Variants in MACROD2 observed in about 807,000 individuals in gnomAD.
The protein encoded by MACROD2 is ADP-ribose glycohydrolase MACROD2.
A neutral mutation model predicts 70.4 loss-of-function variants in MACROD2; 36 were observed. The observed-to-expected ratio is 0.51, with a 90% CI of 0.39 to 0.68. The LOEUF (loss-of-function observed/expected upper bound fraction) is 0.68, where lower values mean the gene tolerates loss of function less well. Ranked by LOEUF, MACROD2 falls within the 30% of genes least tolerant of loss-of-function variation. The pLI is 0.00. For synonymous variants in MACROD2, 172 were observed against 178.8 expected (o/e 0.96, Z 0.30); for missense variants, 496 against 538.4 (o/e 0.92, Z 0.78).
At chr20:14,821,551 G>A (rs770367889) in intron 5 of MACROD2, among the ~76,000 whole-genome samples, 12 of 152,104 alleles carry the variant, frequency 7.9e-5, no homozygotes, top group East Asian at 5.8e-4. Context: ...GAGAACACTC[G>A]CTCTCATCAT....
chr20:15,774,771 A>ATTGTATTT (rs2051693580), intron 8 of MACROD2, among the ~76,000 whole-genome samples: 1 of 152,018 alleles, frequency 6.6e-6, no homozygotes, highest in Non-Finnish European at 1.5e-5. Context: ...TTTGCATGAC[A>ATTGTATTT]GCAGTAGTAT....
In MACROD2 at chr20:15,784,120, T is replaced by C. The variant is rs199931976; in HGVS notation, c.646-78625T>C. On this transcript the variant is annotated intron_variant, in intron 8 of 17. Transcript: ENST00000684519. ...CGAATCTGTGGTAGAGAGCAAAGCA[T>C]ATAAAAAAATTATAGGGGATTAAGT... Among the ~76,000 whole-genome samples, 3 of 152,250 alleles carry C rather than the reference T, an allele frequency of 2.0e-5. No homozygotes were observed. In the East Asian group the frequency reaches 5.8e-4, roughly 29 times the overall value.
chr20:16,010,004 T>A (rs749082492), intron 15 of MACROD2, among the ~76,000 whole-genome samples: 15 of 152,220 alleles, frequency 9.9e-5, no homozygotes, highest in Non-Finnish European at 2.1e-4. Flanking sequence ...AGGTCATTCC[T>A]GATGTGCTCA....
intron 8 of MACROD2, among the ~76,000 whole-genome samples, chr20:15,797,767 A>C (rs943521015): frequency 6.6e-6 from 1 of 152,212 alleles, no homozygotes; most frequent in Non-Finnish European, 1.5e-5. Flanking sequence ...TTCAGTGAGC[A>C]TCAAAATCAC....
intron 5 of MACROD2, among the ~76,000 whole-genome samples, chr20:14,915,215 T>C (rs2074076767): frequency 6.6e-6 from 1 of 152,202 alleles, no homozygotes; most frequent in Admixed American, 6.5e-5. Context: ...GAATTGAATT[T>C]AGCCATGGCT....
chr20:15,183,188 T>C (rs2076511989), intron 5 of MACROD2, among the ~76,000 whole-genome samples: 1 of 152,098 alleles, frequency 6.6e-6, no homozygotes, highest in African/African-American at 2.4e-5. Context: ...AATGGGAACT[T>C]GTTGTCATAA....
chr20:15,866,631 T>G (rs2064497524), intron 9 of MACROD2, among the ~76,000 whole-genome samples: 1 of 152,198 alleles, frequency 6.6e-6, no homozygotes, highest in Non-Finnish European at 1.5e-5. Flanking sequence ...CAGAGCATCT[T>G]TAGAGAAGGC....
intron 15 of MACROD2, among the ~76,000 whole-genome samples, chr20:15,989,041 T>C (rs1470124338): frequency 6.6e-6 from 1 of 152,162 alleles, no homozygotes; most frequent in Non-Finnish European, 1.5e-5. Flanking sequence ...ATCTGTAAGA[T>C]GATGATGGCA....
At chr20:15,387,630 G>T (rs1001323031) in intron 6 of MACROD2, among the ~76,000 whole-genome samples, 1 of 151,642 alleles carries the variant, frequency 6.6e-6, no homozygotes, top group African/African-American at 2.4e-5. Flanking sequence ...CCAGGTCCTG[G>T]AGTTACAAAA....
chr20:15,097,847 C>T (rs565280401), intron 5 of MACROD2, among the ~76,000 whole-genome samples: 38 of 152,222 alleles, frequency 2.5e-4, no homozygotes, highest in African/African-American at 8.9e-4. Context: ...AAAAGGTAAT[C>T]TTGGGAATGG....
chr20:15,271,648 G>C (rs1026050207), intron 6 of MACROD2, among the ~76,000 whole-genome samples: 4 of 152,178 alleles, frequency 2.6e-5, no homozygotes, highest in African/African-American at 9.7e-5. Flanking sequence ...TTAAAAGAAG[G>C]ATTACTTTGA....
intron 5 of MACROD2, among the ~76,000 whole-genome samples, chr20:14,713,427 T>C (rs111617057): frequency 0.033 from 5,060 of 152,278 alleles, 115 homozygotes; most frequent in Non-Finnish European, 0.048. Context: ...GAGTCTCTTT[T>C]TTCTTCCTTG....
At chr20:14,954,588 T>C (rs187475297) in intron 5 of MACROD2, among the ~76,000 whole-genome samples, 2 of 134,614 alleles carry the variant, frequency 1.5e-5, no homozygotes, top group Admixed American at 8.1e-5. Flanking sequence ...AATTATAAAT[T>C]ATATATAATA....
At chr20:15,133,711 A>T (rs1422742217) in intron 5 of MACROD2, among the ~76,000 whole-genome samples, 4 of 152,088 alleles carry the variant, frequency 2.6e-5, no homozygotes, top group African/African-American at 9.7e-5. Flanking sequence ...TTGTACAATG[A>T]TGTTCATTCC....
intron 6 of MACROD2, among the ~76,000 whole-genome samples, chr20:15,292,962 G>T (rs2077554354): frequency 1.3e-5 from 2 of 152,078 alleles, no homozygotes; most frequent in Non-Finnish European, 2.9e-5. Context: ...ATGGAGTGAG[G>T]TCCCTGAGGT....
intron 15 of MACROD2, among the ~76,000 whole-genome samples, chr20:16,025,851 A>T (rs1022703011): frequency 1.3e-5 from 2 of 152,124 alleles, no homozygotes; most frequent in African/African-American, 4.8e-5. Flanking sequence ...GAGTGATCCC[A>T]TCTTAGAGAA....
At chr20:14,048,320 A>T (rs2053508869) in intron 2 of MACROD2, among the ~76,000 whole-genome samples, 1 of 152,206 alleles carries the variant, frequency 6.6e-6, no homozygotes, top group African/African-American at 2.4e-5. Flanking sequence ...AGCAATCATG[A>T]TGAATGAGGA....
In MACROD2 at chr20:14,410,947, A is replaced by G. The variant is rs150380264; in HGVS notation, c.272-82532A>G. ...ACCAACTTCTAGAATGGAAAGCCCT[A>G]CCCAGACAGTGGGACTGTCTCCAGT... On this transcript the variant is annotated intron_variant, in intron 3 of 17. Transcript: ENST00000684519. Among the ~76,000 whole-genome samples, 63 of 152,142 alleles carry G rather than the reference A, an allele frequency of 4.1e-4. 1 individual carries two copies. The highest frequency in any genetic ancestry group is 1.5e-3 in the African/African-American group (61 of 41,524).
chr20:15,504,379 G>T (rs1307093642), intron 8 of MACROD2, among the ~76,000 whole-genome samples: 1 of 151,468 alleles, frequency 6.6e-6, no homozygotes, highest in Non-Finnish European at 1.5e-5. Context: ...AAAAAGAAAA[G>T]AAAAAAAGGA....
Sources: gnomAD v4.1 joint callset for allele counts (sites outside exome capture counted in the v4.1 genomes callset) on GRCh38, gnomAD v4.1.1 for gene constraint, MANE v1.5 for transcripts, NCBI Gene and HGNC (gene_info 2026-07-23, HGNC 2026-07-21) for gene names.